NLGN1: variants seen among roughly 807,000 people sequenced by gnomAD.
The protein encoded by NLGN1 is neuroligin 1.
NLGN1 carries 12 observed loss-of-function variants against 65.5 expected under a neutral mutation model. The ratio of observed to expected loss-of-function variants is 0.18; its 90% CI spans 0.12 to 0.30. The LOEUF is 0.30. Among genes scored for constraint, NLGN1 ranks in the 10% least tolerant of loss-of-function variants. The pLI, the probability that NLGN1 is intolerant of heterozygous loss-of-function variation, is 1.00. For missense variants in NLGN1, 750 were observed against 1,007.1 expected, an observed-to-expected ratio of 0.74 and a Z score of 3.46; for synonymous variants, 350 against 359.5, an observed-to-expected ratio of 0.97 and a Z score of 0.30.
In NLGN1 at chr3:174,035,100, C is replaced by A. The variant is rs190790742; in HGVS notation, c.646+227268C>A. Among the ~76,000 whole-genome samples the A allele has an allele frequency of 5.1e-4, 77 of 152,182 alleles. 1 individual carries two copies. Among genetic ancestry groups the A allele is most frequent in the African/African-American group, 1.6e-3 (67 of 41,544 alleles). On this transcript the variant is annotated intron_variant, in intron 4 of 6. Transcript: ENST00000457714. ...AAAAGCACCTGCTCTGTGTCTAACA[C>A]CATGACAAATTTTTAAAATTTACAT...
At chr3:173,824,055 T>C (rs1720859452) in intron 4 of NLGN1, among the ~76,000 whole-genome samples, 1 of 152,092 alleles carries the variant, frequency 6.6e-6, no homozygotes, top group East Asian at 1.9e-4. Flanking sequence ...TTGGTTTTAA[T>C]GGCTGTTACA....
intron 3 of NLGN1, among the ~76,000 whole-genome samples, chr3:173,653,143 A>G (rs966243115): frequency 6.6e-6 from 1 of 152,134 alleles, no homozygotes; most frequent in Non-Finnish European, 1.5e-5. Context: ...TTCTTTTGCA[A>G]AGTCGTTAGG....
intron 4 of NLGN1, among the ~76,000 whole-genome samples, chr3:174,121,415 A>T (rs1576983372): frequency 6.6e-6 from 1 of 152,298 alleles, no homozygotes; most frequent in Admixed American, 6.5e-5. Context: ...TTGTGTAAAA[A>T]TGCTGTGTGT....
chr3:173,962,801 ATT>A (rs1203035205), intron 4 of NLGN1, among the ~76,000 whole-genome samples: 1 of 152,172 alleles, frequency 6.6e-6, no homozygotes. Context: ...TCTAATTAAA[ATT>A]TTGAAAGTTG....
At chr3:173,530,504 G>A (rs114468091) in intron 2 of NLGN1, among the ~76,000 whole-genome samples, 1,807 of 152,286 alleles carry the variant, frequency 0.012, 41 homozygotes, top group African/African-American at 0.041. Context: ...AAAGCTATTC[G>A]TGAGGGTAAT....
At chr3:173,980,996 A>T (rs1413688751) in intron 4 of NLGN1, among the ~76,000 whole-genome samples, 1 of 152,154 alleles carries the variant, frequency 6.6e-6, no homozygotes, top group Non-Finnish European at 1.5e-5. Flanking sequence ...AATTCTACAT[A>T]AAATATTTTC....
chr3:173,907,894 A>G (rs1483661443), intron 4 of NLGN1, among the ~76,000 whole-genome samples: 1 of 151,960 alleles, frequency 6.6e-6, no homozygotes, highest in African/African-American at 2.4e-5. Context: ...TAATTTTTGT[A>G]TTCTTAGTAG....
chr3:174,293,713 G>A, the NLGN1 span, among the ~76,000 whole-genome samples: 1 of 151,622 alleles, frequency 6.6e-6, no homozygotes, highest in Admixed American at 6.6e-5. Context: ...TAAAAAACCA[G>A]GATTGCTGCT....
At chr3:174,270,125 CT>C (rs10547985) in intron 4 of NLGN1, among the ~76,000 whole-genome samples, 38,257 of 119,518 alleles carry the variant, frequency 0.32, 5,037 homozygotes, top group East Asian at 0.45. Flanking sequence ...GGTTTCCTTT[CT>C]TTTTTTTTTT....
chr3:173,619,348 G>T (rs1753634732), intron 3 of NLGN1, among the ~76,000 whole-genome samples: 1 of 152,074 alleles, frequency 6.6e-6, no homozygotes, highest in African/African-American at 2.4e-5. Context: ...CTATTATTCT[G>T]TTATTCTTGT....
At chr3:173,751,289 A>C (rs1776266008) in intron 3 of NLGN1, among the ~76,000 whole-genome samples, 1 of 152,050 alleles carries the variant, frequency 6.6e-6, no homozygotes, top group Admixed American at 6.6e-5. Flanking sequence ...CTTCATTTCC[A>C]CCTGTTCCTT....
At chr3:173,887,403 A>G (rs1159910080) in intron 4 of NLGN1, among the ~76,000 whole-genome samples, 2 of 151,978 alleles carry the variant, frequency 1.3e-5, no homozygotes, top group African/African-American at 4.8e-5. Flanking sequence ...AGAAATATGA[A>G]CCTATTAGTT....
At chr3:173,785,862 A>G (rs1053245330) in intron 3 of NLGN1, among the ~76,000 whole-genome samples, 1 of 152,156 alleles carries the variant, frequency 6.6e-6, no homozygotes, top group Non-Finnish European at 1.5e-5. Flanking sequence ...AAACATTTCC[A>G]TCTGTTGTGC....
At chr3:174,063,801 GTC>G (rs1737904629) in intron 4 of NLGN1, among the ~76,000 whole-genome samples, 1 of 152,100 alleles carries the variant, frequency 6.6e-6, no homozygotes, top group Non-Finnish European at 1.5e-5. Context: ...TATTGCATTA[GTC>G]TTTTAACCTT....
chr3:173,552,413 A>G (rs1378724852), intron 2 of NLGN1, among the ~76,000 whole-genome samples: 1 of 152,160 alleles, frequency 6.6e-6, no homozygotes, highest in Non-Finnish European at 1.5e-5. Flanking sequence ...TGGAGACCTA[A>G]TATGAGTGCC....
chr3:173,768,881 A>G (rs1214197295), intron 3 of NLGN1, among the ~76,000 whole-genome samples: 2 of 152,018 alleles, frequency 1.3e-5, no homozygotes, highest in Non-Finnish European at 2.9e-5. Flanking sequence ...AAGTCAAGCT[A>G]TCATTCCACC....
At chr3:173,807,542 A>C (rs752489820) in intron 3 of NLGN1, 138 bp from the exon 4 acceptor site, 74 of 898,268 alleles carry the variant, frequency 8.2e-5, no homozygotes, top group Non-Finnish European at 1.1e-4. Context: ...GTTGCTTAAG[A>C]AACACTTTAA....
At chr3:173,715,923 G>A (rs1769779578) in intron 3 of NLGN1, among the ~76,000 whole-genome samples, 1 of 151,954 alleles carries the variant, frequency 6.6e-6, no homozygotes, top group Non-Finnish European at 1.5e-5. Context: ...TTTGATTAAT[G>A]TATTTCAATT....
intron 2 of NLGN1, 80 bp from the exon 2 acceptor site, chr3:173,604,199 C>T (rs990009288): frequency 7.0e-5 from 12 of 170,782 alleles, no homozygotes; most frequent in Non-Finnish European, 1.3e-4. Context: ...TAATGTATTT[C>T]TGTAGATTGT....
Sources: gnomAD v4.1 joint callset for allele counts (sites outside exome capture counted in the v4.1 genomes callset) on GRCh38, gnomAD v4.1.1 for gene constraint, MANE v1.5 for transcripts, NCBI Gene and HGNC (gene_info 2026-07-23, HGNC 2026-07-21) for gene names.